Variants in PLCD4 observed in about 807,000 individuals in gnomAD.
PLCD4 encodes phospholipase C delta 4, also known as 1-phosphatidylinositol 4,5-bisphosphate phosphodiesterase delta-4.
Under a neutral mutation model 90.2 loss-of-function variants are expected in PLCD4, and 63 were observed. The ratio of observed to expected loss-of-function variants is 0.70; its 90% CI spans 0.57 to 0.86. PLCD4 has a LOEUF of 0.86. PLCD4 is among the 40% of genes least tolerant of loss of function. The pLI, the probability that PLCD4 is intolerant of heterozygous loss-of-function variation, is 0.00. For synonymous variants in PLCD4, 294 were observed against 356.5 expected (o/e 0.82, Z 1.97); for missense variants, 830 against 956.3 (o/e 0.87, Z 1.74).
rs200099965 is a variant in PLCD4 at position 218,630,723 on chromosome 2, A to T, written c.1193A>T (p.His398Leu). 206 of 1,614,026 alleles carry T rather than the reference A, an allele frequency of 1.3e-4. No individual in the cohort carries two copies. Among genetic ancestry groups the T allele is most frequent in the Non-Finnish European group, 1.7e-4 (198 of 1,179,904 alleles). Residue 398 changes from histidine to leucine, a missense_variant, in exon 9 of 16, where the codon CAT (histidine) becomes CTT (leucine). Transcript: ENST00000450993. ...SWEQQQTMAR[H>L]LTEILGEQLL... ...GAGCAGCAGCAGACCATGGCCCGTC[A>T]TCTGACTGAGATCCTGGGGGAGCAG... is the stretch of plus-strand genomic sequence containing the variant.
intron 6 of PLCD4, among the ~76,000 whole-genome samples, chr2:218,624,254 T>C (rs552703): frequency 0.64 from 96,664 of 152,060 alleles, 31,002 homozygotes; most frequent in East Asian, 0.9. Context: ...TTCATTCATT[T>C]ATTCACTACT....
chr2:218,627,840 A>C (rs1469092186), intron 6 of PLCD4, among the ~76,000 whole-genome samples, 189 bp from the exon 7 acceptor site: 3 of 152,054 alleles, frequency 2.0e-5, no homozygotes. Flanking sequence ...TCCTTTTAAC[A>C]TTCTTTGAGG....
At chr2:218,610,665 C>T (rs1575009301) in intron 1 of PLCD4, among the ~76,000 whole-genome samples, 2 of 152,104 alleles carry the variant, frequency 1.3e-5, no homozygotes, top group Admixed American at 1.3e-4. Flanking sequence ...TAGAGAAGGC[C>T]CTTTCCAAGA....
intron 4 of PLCD4, among the ~76,000 whole-genome samples, chr2:218,619,967 G>A (rs938048260): frequency 5.9e-5 from 9 of 152,120 alleles, no homozygotes; most frequent in African/African-American, 2.2e-4. Context: ...AGCCGTGACA[G>A]CCTGGGCTCA....
Position 218,632,136 on chromosome 2 carries a change from G to C in PLCD4, c.1273G>C (p.Glu425Gln). The C allele has an allele frequency of 6.2e-7, 1 of 1,603,706 alleles. No homozygotes were observed. Among genetic ancestry groups the C allele is most frequent in the Non-Finnish European group, 8.5e-7 (1 of 1,175,412 alleles). Residue 425 changes from glutamate to glutamine, a missense_variant and splice_region_variant, in exon 10 of 16, where the codon GAG (glutamate) becomes CAG (glutamine). By Grantham distance (29) the Glu-to-Gln change is conservative. Transcript: ENST00000450993. ...AGGCCCCTTCATTTTTGTCCCCTAGGAGCTTCGGAGGAAGATCCTGGTGAA... is the reference window on the plus strand; with the variant it reads ...AGGCCCCTTCATTTTTGTCCCCTAGCAGCTTCGGAGGAAGATCCTGGTGAA... ...VLPTQLPSPE[E>Q]LRRKILVKGK...
chr2:218,610,676 G>T (rs758839593), intron 1 of PLCD4, among the ~76,000 whole-genome samples: 48 of 152,134 alleles, frequency 3.2e-4, no homozygotes, highest in Non-Finnish European at 6.0e-4. Flanking sequence ...CTTTCCAAGA[G>T]CAGAGTCATT....
At chr2:218,627,121 T>A (rs1421251735) in intron 6 of PLCD4, among the ~76,000 whole-genome samples, 1 of 146,412 alleles carries the variant, frequency 6.8e-6, no homozygotes, top group Non-Finnish European at 1.5e-5. Context: ...AAGAGCCGGG[T>A]GTAGTGGGGG....
Position 218,634,750 on chromosome 2 carries a change from T to C in PLCD4, c.1896+120T>C. On this transcript the variant is annotated intron_variant, in intron 13 of 15. Transcript: ENST00000450993. This position sits in a 1 kb window ranked among gnomAD's most constrained non-coding sequence, Gnocchi z 4.0. ...ATAGCCTATTAACAGTGTCTAGTTT[T>C]AGCTTTTGGAGCCAGCTGCCTAGCT... The C allele has an allele frequency of 8.1e-7, 1 of 1,237,854 alleles. No individual in the cohort carries two copies. The highest frequency in any genetic ancestry group is 1.1e-6 in the Non-Finnish European group (1 of 888,702). 76.7% of individuals were successfully genotyped at this position (1,237,854 alleles called of 1,614,324 possible).
At chr2:218,633,830 G>A (rs1295819179) in intron 11 of PLCD4, 69 bp downstream of exon 11, 4 of 1,559,522 alleles carry the variant, frequency 2.6e-6, no homozygotes, top group Non-Finnish European at 3.5e-6. Context: ...GGACTGGCAG[G>A]TAAGTCCCAA....
At chr2:218,632,491 T>G (rs918680548) in intron 10 of PLCD4, among the ~76,000 whole-genome samples, 179 bp downstream of exon 10, 1 of 152,188 alleles carries the variant, frequency 6.6e-6, no homozygotes, top group African/African-American at 2.4e-5. Flanking sequence ...CTGCCATATG[T>G]AGGTATGTTG....
At chr2:218,632,995 C>T (rs1445617986) in intron 10 of PLCD4, among the ~76,000 whole-genome samples, 2 of 152,114 alleles carry the variant, frequency 1.3e-5, no homozygotes, top group African/African-American at 2.4e-5. Context: ...TGTGTACTTG[C>T]GTGGCTCACT....
At chr2:218,633,557 C>T (rs754358701) in intron 10 of PLCD4, 48 bp from the exon 11 acceptor site, 3 of 1,589,192 alleles carry the variant, frequency 1.9e-6, no homozygotes, top group East Asian at 2.2e-5. Context: ...CTTCTTCTCT[C>T]TCAGACTGCT....
chr2:218,615,582 T>C, intron 1 of PLCD4, 125 bp from the exon 2 acceptor site: 1 of 682,634 alleles, frequency 1.5e-6, no homozygotes, highest in Non-Finnish European at 2.4e-6. Flanking sequence ...CTTATGTGAT[T>C]TGAGGCAGGT....
chr2:218,615,180 A>G (rs1244187110), intron 1 of PLCD4, among the ~76,000 whole-genome samples: 1 of 152,158 alleles, frequency 6.6e-6, no homozygotes, highest in Non-Finnish European at 1.5e-5. Flanking sequence ...AGATTGCACC[A>G]CTGCACTCCA....
chr2:218,630,586 C>G lies in PLCD4; in HGVS notation c.1120-64C>G, dbSNP rs572418806. 9 of 1,601,258 alleles carry G rather than the reference C, an allele frequency of 5.6e-6. No homozygotes were observed. The South Asian group carries it at 1.0e-4, about 18-fold the overall frequency. The stretch of plus-strand genomic sequence containing the variant: ...AGTAGGGAGGCCTAGGAAGCGGGTA[C>G]TTGAAGAAGTAGGTTGCAGTGTTTT... On this transcript the variant is annotated intron_variant, in intron 8 of 15. Coordinates refer to ENST00000450993, the MANE Select transcript of PLCD4 (RefSeq NM_032726.4).
intron 6 of PLCD4, among the ~76,000 whole-genome samples, chr2:218,627,030 G>A (rs1209896470): frequency 6.6e-6 from 1 of 151,988 alleles, no homozygotes; most frequent in Non-Finnish European, 1.5e-5. Context: ...AAGGCAGGCG[G>A]ATCACGAGGT....
chr2:218,616,404 G>A (rs1248037162), intron 3 of PLCD4, among the ~76,000 whole-genome samples: 2 of 152,070 alleles, frequency 1.3e-5, no homozygotes, highest in African/African-American at 4.8e-5. Context: ...CTGAGTAGCT[G>A]TGGAAAATCA....
intron 1 of PLCD4, 127 bp from the exon 2 acceptor site, chr2:218,615,580 A>G: frequency 2.9e-6 from 2 of 680,616 alleles, no homozygotes; most frequent in Non-Finnish European, 4.8e-6. Flanking sequence ...TCCTTATGTG[A>G]TTTGAGGCAG....
intron 5 of PLCD4, among the ~76,000 whole-genome samples, chr2:218,621,935 C>G (rs937273130): frequency 1.5e-4 from 23 of 151,870 alleles, no homozygotes; most frequent in African/African-American, 5.6e-4. Context: ...AAAAAATTAG[C>G]CGGGTGTGGT....
Sources: allele counts gnomAD v4.1 joint callset (sites outside exome capture counted in the v4.1 genomes callset), GRCh38; gene constraint gnomAD v4.1.1; non-coding constraint Gnocchi (gnomAD v3.1); transcripts MANE v1.5; gene names NCBI Gene and HGNC (gene_info 2026-07-23, HGNC 2026-07-21).